Variants in GALNTL6 observed in about 807,000 individuals in gnomAD.
The protein encoded by GALNTL6 is polypeptide N-acetylgalactosaminyltransferase-like 6.
In GALNTL6, 46 loss-of-function variants were observed where a neutral mutation model predicts 73.7. The ratio of observed to expected loss-of-function variants is 0.62; its 90% CI spans 0.49 to 0.80. GALNTL6 has a LOEUF of 0.80. Among genes scored for constraint, GALNTL6 ranks in the 30% least tolerant of loss-of-function variants. GALNTL6 has a pLI of 0.00. For missense variants in GALNTL6, 604 were observed against 755.0 expected, an observed-to-expected ratio of 0.80 and a Z score of 2.34; for synonymous variants, 259 against 263.7, an observed-to-expected ratio of 0.98 and a Z score of 0.17.
intron 2 of GALNTL6, among the ~76,000 whole-genome samples, chr4:172,008,477 G>A (rs916978952): frequency 2.0e-5 from 3 of 151,478 alleles, no homozygotes; most frequent in Non-Finnish European, 4.4e-5. Context: ...TTTAATTTAA[G>A]GATTTATTTT....
intron 2 of GALNTL6, among the ~76,000 whole-genome samples, chr4:171,897,501 A>G (rs1306452205): frequency 6.6e-6 from 1 of 152,114 alleles, no homozygotes; most frequent in African/African-American, 2.4e-5. Context: ...ATTAAAATCT[A>G]TTATTCTTTG....
intron 5 of GALNTL6, among the ~76,000 whole-genome samples, chr4:172,763,022 A>G (rs1031061762): frequency 3.9e-5 from 6 of 151,980 alleles, no homozygotes; most frequent in African/African-American, 1.5e-4. Context: ...AAAATGAATT[A>G]CCCTCATGGT....
intron 8 of GALNTL6, among the ~76,000 whole-genome samples, chr4:172,885,023 T>C (rs1327357498): frequency 1.3e-5 from 2 of 152,188 alleles, no homozygotes; most frequent in East Asian, 1.9e-4. Context: ...TTGATTACAA[T>C]AGCTTTGTGG....
chr4:171,884,616 A>C (rs1017491324), intron 2 of GALNTL6, among the ~76,000 whole-genome samples: 5 of 152,074 alleles, frequency 3.3e-5, no homozygotes, highest in East Asian at 3.8e-4. Flanking sequence ...ATATATAAAA[A>C]TATGATATAC....
rs781360777 is a variant in GALNTL6 at position 172,882,922 on chromosome 4, C to T, written c.1041+15C>T. 8.0e-7 allele frequency: 1 copy of T among 1,245,076 alleles called. No homozygotes were observed. 77.1% of individuals were successfully genotyped at this position (1,245,076 alleles called of 1,614,324 possible). A position where few individuals can be genotyped will look rare whatever the true frequency, so the allele number is the denominator to read the frequency against. ...TCTCTTTTAAGGTAAGCCCCAAGAC[C>T]CTCTTCACACTATATCTGTATAATT... On this transcript the variant is annotated intron_variant, in intron 8 of 12. Transcript: ENST00000506823.
At chr4:172,367,704 CAT>C (rs1742619124) in intron 5 of GALNTL6, among the ~76,000 whole-genome samples, 1 of 152,094 alleles carries the variant, frequency 6.6e-6, no homozygotes. Flanking sequence ...TTTTAATGGA[CAT>C]ATTAATAATG....
intron 3 of GALNTL6, among the ~76,000 whole-genome samples, chr4:172,246,944 A>G (rs1029548572): frequency 2.0e-5 from 3 of 151,724 alleles, no homozygotes; most frequent in Admixed American, 1.3e-4. Context: ...TTATCTTCTT[A>G]TTGACTTTTC....
intron 3 of GALNTL6, among the ~76,000 whole-genome samples, chr4:172,273,239 A>G (rs1738715417): frequency 6.6e-6 from 1 of 152,166 alleles, no homozygotes; most frequent in Non-Finnish European, 1.5e-5. Context: ...AAAATATAAT[A>G]TATGTTTGAA....
chr4:172,121,361 C>G (rs778453284), intron 2 of GALNTL6, among the ~76,000 whole-genome samples: 8 of 151,208 alleles, frequency 5.3e-5, no homozygotes, highest in Non-Finnish European at 1.0e-4. Context: ...TTTTTGTTAT[C>G]AGGCATTCAT....
chr4:172,095,901 A>G (rs1003346996), intron 2 of GALNTL6, among the ~76,000 whole-genome samples: 1 of 151,952 alleles, frequency 6.6e-6, no homozygotes, highest in East Asian at 1.9e-4. Flanking sequence ...AAAATGTAGA[A>G]TAATTTTAAT....
chr4:172,945,435 G>A (rs1307915623), intron 9 of GALNTL6, among the ~76,000 whole-genome samples: 1 of 152,142 alleles, frequency 6.6e-6, no homozygotes, highest in Non-Finnish European at 1.5e-5. Flanking sequence ...GCAGTTTCTT[G>A]TATATCAACT....
At position 171,999,327 on chromosome 4, in the gene GALNTL6, A is replaced by G. The variant is rs151273856; in HGVS notation, c.138+184609A>G. Among the ~76,000 whole-genome samples, 1,123 of 152,300 alleles carry G rather than the reference A, an allele frequency of 7.4e-3. 20 individuals carry two copies. Among genetic ancestry groups the G allele is most frequent in the African/African-American group, 0.026 (1,063 of 41,574 alleles). On this transcript the variant is annotated intron_variant, in intron 2 of 12. Transcript: ENST00000506823. Reference sequence around the variant, plus strand: ...GTAACTTGCGTTTAAATTTTAACACAAACACATTTAAATGAAGAATATATT... The same window carrying G: ...GTAACTTGCGTTTAAATTTTAACACGAACACATTTAAATGAAGAATATATT...
intron 5 of GALNTL6, among the ~76,000 whole-genome samples, chr4:172,454,235 A>T (rs1180378406): frequency 1.3e-5 from 2 of 152,220 alleles, no homozygotes; most frequent in Non-Finnish European, 2.9e-5. Flanking sequence ...ACATTTGCTC[A>T]TGATCTCCCA....
At position 172,801,531 on chromosome 4, in the gene GALNTL6, A is replaced by G. The variant is rs80065944; in HGVS notation, c.554-7830A>G. Among the ~76,000 whole-genome samples, 676 of 152,184 alleles carry G rather than the reference A, an allele frequency of 4.4e-3. 7 individuals are homozygous for G. The highest frequency in any genetic ancestry group is 0.015 in the African/African-American group (625 of 41,512). On this transcript the variant is annotated intron_variant, in intron 5 of 12. Transcript: ENST00000506823. ...GGTATTGCCCACATAACTTTGATATATGAGCCTTTTATAGAAAGAAGAACA... is the reference window on the plus strand; with the variant it reads ...GGTATTGCCCACATAACTTTGATATGTGAGCCTTTTATAGAAAGAAGAACA...
intron 2 of GALNTL6, among the ~76,000 whole-genome samples, chr4:171,927,125 A>G (rs953152611): frequency 6.6e-6 from 1 of 152,046 alleles, no homozygotes; most frequent in Non-Finnish European, 1.5e-5. Context: ...CAGTGCTGAC[A>G]TTTCCACTGA....
At chr4:172,085,929 T>C (rs1313037473) in intron 2 of GALNTL6, among the ~76,000 whole-genome samples, 1 of 152,168 alleles carries the variant, frequency 6.6e-6, no homozygotes, top group Non-Finnish European at 1.5e-5. Context: ...ATTAGTGCTT[T>C]GCACTCTGTA....
chr4:172,939,557 TTATCAAGTGCCTAC>T (rs1748809668), intron 9 of GALNTL6, among the ~76,000 whole-genome samples: 1 of 152,186 alleles, frequency 6.6e-6, no homozygotes, highest in Non-Finnish European at 1.5e-5. Flanking sequence ...TAATAAATAT[TTATCAAGTGCCTAC>T]TATGTGCCAG....
rs113331808 is a variant in GALNTL6 at position 172,974,748 on chromosome 4, T to C, written c.1371+22490T>C. Among the ~76,000 whole-genome samples the C allele has an allele frequency of 8.2e-4, 125 of 152,040 alleles. 1 individual carries two copies. Among genetic ancestry groups the C allele is most frequent in the East Asian group, 7.9e-3 (41 of 5,158 alleles). ...GAGCCAAGTGCAGACTGGTGAGGGG[T>C]GTGTGAGTGAGTACAGGGTCTGGCC... is the stretch of plus-strand genomic sequence containing the variant. On this transcript the variant is annotated intron_variant, in intron 10 of 12. Coordinates refer to ENST00000506823, the MANE Select transcript of GALNTL6 (RefSeq NM_001034845.3).
chr4:172,286,235 A>G (rs972527516), intron 3 of GALNTL6, among the ~76,000 whole-genome samples: 3 of 152,210 alleles, frequency 2.0e-5, no homozygotes, highest in Admixed American at 6.5e-5. Context: ...GATTGTCTAC[A>G]TAATAGTTCC....
Sources: allele counts gnomAD v4.1 joint callset (sites outside exome capture counted in the v4.1 genomes callset), GRCh38; gene constraint gnomAD v4.1.1; transcripts MANE v1.5; gene names NCBI Gene and HGNC (gene_info 2026-07-23, HGNC 2026-07-21).